Variants in FRAS1 observed in about 807,000 individuals in gnomAD.
FRAS1 encodes the protein extracellular matrix organizing protein FRAS1.
FRAS1 carries 290 observed loss-of-function variants against 435.2 expected under a neutral mutation model. That is an observed-to-expected ratio of 0.67 (90% CI 0.61 to 0.73). The LOEUF (loss-of-function observed/expected upper bound fraction) is 0.73, where lower values mean the gene tolerates loss of function less well. Ranked by LOEUF, FRAS1 falls within the 30% of genes least tolerant of loss-of-function variation. The probability of loss-of-function intolerance (pLI) is 0.00; values close to 1 mark genes in which losing one functional copy is unlikely to be tolerated. For synonymous variants in FRAS1, 1,800 were observed against 1,851.0 expected, an observed-to-expected ratio of 0.97 and a Z score of 0.71; for missense variants, 4,860 against 5,001.5, an observed-to-expected ratio of 0.97 and a Z score of 0.85.
intron 18 of FRAS1, among the ~76,000 whole-genome samples, chr4:78,332,286 G>T (rs1184142116): frequency 6.6e-6 from 1 of 152,114 alleles, no homozygotes; most frequent in Non-Finnish European, 1.5e-5. Flanking sequence ...CCCCGGGAGG[G>T]CCAGTCTCTC....
At chr4:78,451,117 C>T (rs748388744) in intron 45 of FRAS1, among the ~76,000 whole-genome samples, 9 of 152,056 alleles carry the variant, frequency 5.9e-5, no homozygotes, top group South Asian at 2.1e-4. Context: ...TTTCATATGT[C>T]GGTGTCTACT....
intron 2 of FRAS1, among the ~76,000 whole-genome samples, chr4:78,233,161 C>G (rs948682841): frequency 6.6e-6 from 1 of 152,134 alleles, no homozygotes; most frequent in African/African-American, 2.4e-5. Context: ...AAGAACTCAC[C>G]TCAAGAAGTA....
intron 2 of FRAS1, among the ~76,000 whole-genome samples, chr4:78,187,007 G>C (rs1398505651): frequency 6.6e-6 from 1 of 152,286 alleles, no homozygotes; most frequent in East Asian, 1.9e-4. Context: ...ATATTTTTGA[G>C]GGAATGCATG....
In FRAS1 at chr4:78,541,013, C is replaced by T. The variant is rs944916980; in HGVS notation, c.11928C>T (p.Val3976=). 7 of 1,546,354 alleles carry T rather than the reference C, an allele frequency of 4.5e-6. No homozygotes were observed. The East Asian group carries it at 1.6e-4, about 35-fold the overall frequency. ...GACACTACTGCACTGTGCGGAACGT[C>T]AACATCCTGAGTGAGCCTGAGGCGG... The part of the protein sequence containing the change: ...VNRHYCTVRN[V]NILSEPEAAY... The change falls in exon 74 of 74, where the codon GTC becomes GTT. Residue 3976 remains valine, a synonymous_variant. Coordinates refer to ENST00000512123, the MANE Select transcript of FRAS1 (RefSeq NM_025074.7).
Position 78,374,255 on chromosome 4 carries a change from A to G in FRAS1, c.3151+4A>G. On this transcript the variant is annotated splice_donor_region_variant and intron_variant, in intron 25 of 73. Transcript: ENST00000512123. ...CATGCAAAGCACAAATGCACAGGTAACTTGGAGACTGCTGATTATTCTGGA... is the reference window on the plus strand; with the variant it reads ...CATGCAAAGCACAAATGCACAGGTAGCTTGGAGACTGCTGATTATTCTGGA... 1 of 1,553,290 alleles carries G rather than the reference A, an allele frequency of 6.4e-7. No homozygotes were observed. The highest frequency in any genetic ancestry group is 2.3e-5 in the East Asian group (1 of 43,478).
chr4:78,251,558 T>G (rs940045208), intron 4 of FRAS1, among the ~76,000 whole-genome samples: 1 of 151,816 alleles, frequency 6.6e-6, no homozygotes, highest in Non-Finnish European at 1.5e-5. Flanking sequence ...GTTTGTAGCC[T>G]TGGCCAACAT....
chr4:78,116,625 C>T (rs994121509), intron 2 of FRAS1, among the ~76,000 whole-genome samples: 33 of 152,126 alleles, frequency 2.2e-4, no homozygotes, highest in Non-Finnish European at 4.3e-4. Context: ...GGTTTAAAGT[C>T]TGTTTTATCA....
intron 2 of FRAS1, among the ~76,000 whole-genome samples, chr4:78,116,347 G>A (rs893716909): frequency 2.6e-5 from 4 of 151,888 alleles, no homozygotes; most frequent in East Asian, 1.9e-4. Flanking sequence ...CTATTAGGTT[G>A]CCTTGGTGCA....
Position 78,539,380 on chromosome 4 carries a change from T to A in FRAS1, c.11385T>A (p.His3795Gln). The change falls in exon 73 of 74, where the codon CAT becomes CAA. Residue 3795 changes from histidine (H) to glutamine (Q), a missense_variant. Physicochemically the swap from His to Gln is conservative, Grantham distance 24. Coordinates refer to ENST00000512123, the MANE Select transcript of FRAS1 (RefSeq NM_025074.7). ...TTGCCTCTGAGTTGCCTGATTTCCA[T>A]GTGGTCAGTAACATGCCAGGTGTGG... ...AHFASELPDF[H>Q]VVSNMPGVDG... 6.2e-7 allele frequency: 1 copy of A among 1,613,070 alleles called. No homozygotes were observed. The highest frequency in any genetic ancestry group is 1.3e-5 in the African/African-American group (1 of 74,956).
At chr4:78,470,216 T>A (rs1719661029) in intron 51 of FRAS1, 125 bp downstream of exon 51, 1 of 633,178 alleles carries the variant, frequency 1.6e-6, no homozygotes, top group African/African-American at 1.8e-5. Context: ...ATAAACTGAT[T>A]TTCCTGAGAT....
rs751965676 is a variant in FRAS1, at chr4:78,508,708, G to A, written c.9505-23G>A. 5 of 1,613,176 alleles carry A rather than the reference G, an allele frequency of 3.1e-6. No individual in the cohort carries two copies. The Admixed American group carries it at 5.0e-5, about 16-fold the overall frequency. On this transcript the variant is annotated intron_variant, in intron 62 of 73. Transcript: ENST00000512123. ...ACCTTGCCAATACCCAACCTGAACT[G>A]AAGCTTTGTTGCTCTTTCGCAGGTG...
At chr4:78,302,305 G>T (rs556326048) in intron 14 of FRAS1, among the ~76,000 whole-genome samples, 30 of 151,700 alleles carry the variant, frequency 2.0e-4, no homozygotes, top group Admixed American at 8.5e-4. Flanking sequence ...GAATAATGCC[G>T]CAATAAACAT....
Position 78,312,853 on chromosome 4 carries a change from GAAAGAA to G in FRAS1, c.1679-2739_1679-2734del, listed in dbSNP as rs1307241218. On this transcript the variant is annotated intron_variant, in intron 15 of 73. Coordinates refer to ENST00000512123, the MANE Select transcript of FRAS1 (RefSeq NM_025074.7). ...TCTGAAAGAAAGAAAAAGAAAGAAA[GAAAGAA>G]AGAGAGAGAGAGAGAGAGAGAGAAA... is the stretch of plus-strand genomic sequence containing the variant. Among the ~76,000 whole-genome samples the G allele has an allele frequency of 3.2e-4, 26 of 81,028 alleles. 1 individual carries two copies. In the South Asian group the frequency reaches 6.3e-3, roughly 20 times the overall value. The allele number at this position is 81,028 out of a possible 152,430, so 53.2% of individuals were successfully genotyped here. A position where few individuals can be genotyped will look rare whatever the true frequency, so the allele number is the denominator to read the frequency against.
intron 44 of FRAS1, among the ~76,000 whole-genome samples, chr4:78,449,609 C>G (rs1718957887): frequency 6.6e-6 from 1 of 152,148 alleles, no homozygotes; most frequent in South Asian, 2.1e-4. Context: ...TTATCTTCAT[C>G]CCCAACACCT....
At chr4:78,085,786 T>G (rs551250788) in intron 2 of FRAS1, among the ~76,000 whole-genome samples, 1 of 152,086 alleles carries the variant, frequency 6.6e-6, no homozygotes, top group South Asian at 2.1e-4. Flanking sequence ...AAGTCCTTAG[T>G]GACATACAAA....
At chr4:78,518,435 TA>T (rs1169291163) in intron 66 of FRAS1, among the ~76,000 whole-genome samples, 9 of 60,212 alleles carry the variant, frequency 1.5e-4, no homozygotes, top group African/African-American at 4.4e-4. Flanking sequence ...TATATATATA[TA>T]TATATATATA....
intron 9 of FRAS1, among the ~76,000 whole-genome samples, chr4:78,267,761 G>C (rs1323579907): frequency 6.6e-6 from 1 of 152,224 alleles, no homozygotes; most frequent in East Asian, 1.9e-4. Context: ...CTGATGGCCT[G>C]CCCAGTTCTC....
At position 78,267,231 on chromosome 4, in the gene FRAS1, T is replaced by C. The variant is rs547502347; in HGVS notation, c.790-10T>C. On this transcript the variant is annotated splice_polypyrimidine_tract_variant and intron_variant, in intron 8 of 73. Coordinates refer to ENST00000512123, the MANE Select transcript of FRAS1 (RefSeq NM_025074.7). The stretch of plus-strand genomic sequence containing the variant: ...GAGGACTGCCCCTCACCTTCCTCTC[T>C]GTGTCCTAGGGTCAGAGCAGGGCTC... The C allele has an allele frequency of 6.2e-7, 1 of 1,612,746 alleles. No individual in the cohort carries two copies. Among genetic ancestry groups the C allele is most frequent in the East Asian group, 2.2e-5 (1 of 44,870 alleles).
intron 2 of FRAS1, among the ~76,000 whole-genome samples, chr4:78,232,866 T>C (rs1468117254): frequency 1.3e-5 from 2 of 152,140 alleles, no homozygotes; most frequent in African/African-American, 4.8e-5. Flanking sequence ...CAAAGAGGAA[T>C]CAAATGAGAT....
Sources: allele counts gnomAD v4.1 joint callset (sites outside exome capture counted in the v4.1 genomes callset), GRCh38; gene constraint gnomAD v4.1.1; transcripts MANE v1.5; gene names NCBI Gene and HGNC (gene_info 2026-07-23, HGNC 2026-07-21).